Variants in BCL2 observed in about 807,000 individuals in gnomAD.
The protein encoded by BCL2 is apoptosis regulator Bcl-2.
BCL2 carries 1 observed loss-of-function variant against 14.2 expected under a neutral mutation model. That is an observed-to-expected ratio of 0.07 (90% CI 0.02 to 0.33). The LOEUF (loss-of-function observed/expected upper bound fraction) is 0.33, where lower values mean the gene tolerates loss of function less well. Ranked by LOEUF, BCL2 falls within the 10% of genes least tolerant of loss-of-function variation. The probability of loss-of-function intolerance (pLI) is 0.99; values close to 1 mark genes in which losing one functional copy is unlikely to be tolerated. For missense variants in BCL2, 247 were observed against 305.9 expected (o/e 0.81, Z 1.44); for synonymous variants, 151 against 137.2 (o/e 1.10, Z -0.70).
intron 2 of BCL2, among the ~76,000 whole-genome samples, chr18:63,295,476 C>T (rs994754057): frequency 6.6e-6 from 1 of 152,242 alleles, no homozygotes; most frequent in African/African-American, 2.4e-5. Context: ...CTTATTAATA[C>T]AATTCTTGCT....
rs534543059 is a variant in BCL2, at chr18:63,139,784, G to A, written c.586-11025C>T. ...TTACCTTCTTTTGGCTAGAGCTTCCGAGGGCCCTGCCTGTTGTGGTGCTCA... is the reference window on the plus strand; with the variant it reads ...TTACCTTCTTTTGGCTAGAGCTTCCAAGGGCCCTGCCTGTTGTGGTGCTCA... On this transcript the variant is annotated intron_variant, in intron 2 of 2. Transcript: ENST00000333681. Among the ~76,000 whole-genome samples, 14 of 152,150 alleles carry A rather than the reference G, an allele frequency of 9.2e-5. No homozygotes were observed. In the South Asian group the frequency reaches 2.5e-3, roughly 27 times the overall value.
At chr18:63,222,770 A>G (rs1436257242) in intron 2 of BCL2, among the ~76,000 whole-genome samples, 2 of 152,348 alleles carry the variant, frequency 1.3e-5, no homozygotes, top group South Asian at 2.1e-4. Flanking sequence ...ACGAGGGAAG[A>G]TGACCTTTTA....
intron 2 of BCL2, among the ~76,000 whole-genome samples, chr18:63,240,834 A>G (rs546117438): frequency 3.9e-5 from 6 of 152,358 alleles, no homozygotes; most frequent in South Asian, 2.1e-4. Context: ...TGTCTCTGTT[A>G]CATTATAAGC....
At chr18:63,171,977 T>A (rs1915232320) in intron 2 of BCL2, among the ~76,000 whole-genome samples, 1 of 152,200 alleles carries the variant, frequency 6.6e-6, no homozygotes, top group African/African-American at 2.4e-5. Context: ...CGAGACCCCA[T>A]CTCTAATAAA....
chr18:63,212,510 C>CA (rs1256132495), intron 2 of BCL2, among the ~76,000 whole-genome samples: 5 of 151,660 alleles, frequency 3.3e-5, no homozygotes, highest in African/African-American at 1.2e-4. Flanking sequence ...GAGTGAGTAT[C>CA]ACAATAGGTG....
rs1001110451 is a variant in BCL2, at chr18:63,302,555, T to G, written c.585+15527A>C. The G allele has an allele frequency of 1.2e-5, 12 of 985,236 alleles. No homozygotes were observed. The East Asian group carries it at 1.2e-3, about 102-fold the overall frequency. 61.0% of individuals were successfully genotyped at this position (985,236 alleles called of 1,614,324 possible). A position where few individuals can be genotyped will look rare whatever the true frequency, so the allele number is the denominator to read the frequency against. On this transcript the variant is annotated intron_variant, in intron 2 of 2. Transcript: ENST00000333681. ...GCCCAGGGAAGATGTTGAATTGAAA[T>G]TTTTTAATATGTGCTTTATTAAACA... is the stretch of plus-strand genomic sequence containing the variant.
At chr18:63,168,042 A>G (rs150631321) in intron 2 of BCL2, among the ~76,000 whole-genome samples, 7 of 151,974 alleles carry the variant, frequency 4.6e-5, no homozygotes, top group African/African-American at 1.7e-4. Flanking sequence ...CAGGCTGGAC[A>G]AGAGAGTGGG....
At chr18:63,180,201 A>G (rs748321997) in intron 2 of BCL2, among the ~76,000 whole-genome samples, 2 of 152,200 alleles carry the variant, frequency 1.3e-5, no homozygotes, top group Non-Finnish European at 2.9e-5. Flanking sequence ...CTGACGGCTT[A>G]TGGAAAATGT....
chr18:63,168,782 T>C (rs77192130), intron 2 of BCL2, among the ~76,000 whole-genome samples: 13,370 of 152,286 alleles, frequency 0.088, 1,070 homozygotes, highest in East Asian at 0.42. Flanking sequence ...CCTCCTGGAA[T>C]GCCAGGGCTT....
intron 2 of BCL2, among the ~76,000 whole-genome samples, chr18:63,198,784 GAGACACAGACACACAC>G (rs1909562638): frequency 3.3e-5 from 1 of 30,500 alleles, no homozygotes; most frequent in African/African-American, 1.2e-4. Context: ...CACAGACACA[GAGACACAGACACACAC>G]TGACACAGAG....
intron 2 of BCL2, among the ~76,000 whole-genome samples, chr18:63,236,535 G>T (rs1398539443): frequency 6.6e-6 from 1 of 152,150 alleles, no homozygotes; most frequent in Non-Finnish European, 1.5e-5. Flanking sequence ...TAGGGCAGGC[G>T]GGTGAAGAAG....
chr18:63,192,212 G>C (rs906538865), intron 2 of BCL2, among the ~76,000 whole-genome samples: 3 of 152,222 alleles, frequency 2.0e-5, no homozygotes, highest in African/African-American at 7.2e-5. Flanking sequence ...TTTAAGCTGA[G>C]ATTTGAAAGG....
chr18:63,256,983 T>C (rs549540070), intron 2 of BCL2, among the ~76,000 whole-genome samples: 1 of 152,384 alleles, frequency 6.6e-6, no homozygotes, highest in East Asian at 1.9e-4. Flanking sequence ...CTTTGAAAGT[T>C]AAATTCATTC....
In BCL2 at chr18:63,319,303, G is replaced by C. The variant is rs560936021; in HGVS notation, c.-416C>G. 6 of 228,686 alleles carry C rather than the reference G, an allele frequency of 2.6e-5. No individual in the cohort carries two copies. The highest frequency in any genetic ancestry group is 1.3e-4 in the African/African-American group (6 of 45,132). 14.2% of individuals were successfully genotyped at this position (228,686 alleles called of 1,614,324 possible). ...TATAGCTGATTTGAAACTTCCCAAT[G>C]AATCAGGAGTCGCGGGGAGAGGGAG... On this transcript the variant is annotated 5_prime_UTR_variant, in exon 1 of 3. Transcript: ENST00000333681.
At chr18:63,248,416 C>T (rs975345418) in intron 2 of BCL2, among the ~76,000 whole-genome samples, 1 of 152,180 alleles carries the variant, frequency 6.6e-6, no homozygotes, top group Non-Finnish European at 1.5e-5. Context: ...GACTTCTCGC[C>T]TTAGATTATA....
intron 2 of BCL2, among the ~76,000 whole-genome samples, chr18:63,132,567 A>G (rs1338504779): frequency 3.3e-5 from 5 of 152,214 alleles, no homozygotes; most frequent in Non-Finnish European, 7.3e-5. Context: ...TTTACACATT[A>G]TTAGAGTGTA....
Position 63,159,237 on chromosome 18 carries a change from G to A in BCL2, c.586-30478C>T, listed in dbSNP as rs556849875. Among the ~76,000 whole-genome samples, 25 of 152,288 alleles carry A rather than the reference G, an allele frequency of 1.6e-4. No homozygotes were observed. In the South Asian group the frequency reaches 5.2e-3, roughly 32 times the overall value. ...ATCTACAAACGTGCAAACCGACACA[G>A]AGCAAACCTGCAGGAATTTCCACAC... On this transcript the variant is annotated intron_variant, in intron 2 of 2. Transcript: ENST00000333681.
chr18:63,152,049 C>A (rs1357806851), intron 2 of BCL2, among the ~76,000 whole-genome samples: 1 of 152,128 alleles, frequency 6.6e-6, no homozygotes, highest in Non-Finnish European at 1.5e-5. Context: ...CTCAGAACTT[C>A]GAGTAGGGGA....
intron 2 of BCL2, among the ~76,000 whole-genome samples, chr18:63,145,318 A>G (rs1048477907): frequency 2.6e-5 from 4 of 152,152 alleles, no homozygotes; most frequent in Non-Finnish European, 5.9e-5. Flanking sequence ...CGGACAGAGC[A>G]TAAGCCCTCA....
Sources: gnomAD v4.1 joint callset for allele counts (sites outside exome capture counted in the v4.1 genomes callset) on GRCh38, gnomAD v4.1.1 for gene constraint, MANE v1.5 for transcripts, NCBI Gene and HGNC (gene_info 2026-07-23, HGNC 2026-07-21) for gene names.